LINC00305: variants seen among roughly 807,000 people sequenced by gnomAD.
LINC00305 encodes the protein long intergenic non-protein coding RNA 305.
chr18:64,113,146 A>G (rs567004889), intron 1 of LINC00305, among the ~76,000 whole-genome samples: 2 of 151,938 alleles, frequency 1.3e-5, no homozygotes, highest in African/African-American at 4.8e-5. Context: ...AGAATTAACT[A>G]CTCCCTACAC....
intron 1 of LINC00305, among the ~76,000 whole-genome samples, chr18:64,146,629 A>C (rs1377224745): frequency 1.3e-5 from 2 of 152,212 alleles, no homozygotes; most frequent in African/African-American, 4.8e-5. Flanking sequence ...GCAAAGAAAG[A>C]TTTAATTGAT....
intron 3 of LINC00305, among the ~76,000 whole-genome samples, chr18:64,092,760 G>A (rs1446604915): frequency 6.6e-6 from 1 of 152,106 alleles, no homozygotes; most frequent in African/African-American, 2.4e-5. Context: ...TGATTATGCC[G>A]AGAGCAAGAC....
chr18:64,142,778 C>T (rs1573492), intron 1 of LINC00305, among the ~76,000 whole-genome samples: 91,854 of 151,856 alleles, frequency 0.6, 28,478 homozygotes, highest in East Asian at 0.81. Context: ...GGAACCTTCT[C>T]CATGTAGTAG....
Position 64,086,631 on chromosome 18 carries a change from T to C in LINC00305, n.541-6229A>G, listed in dbSNP as rs1303082172. ...AGAGTGTGCATCTTTCTTTCAACTA[T>C]ACACTTTAGCAAGCTAAATATTATC... On this transcript the variant is annotated intron_variant and non_coding_transcript_variant, in intron 3 of 3. Transcript: ENST00000666468. Among the ~76,000 whole-genome samples, 3 of 152,226 alleles carry C rather than the reference T, an allele frequency of 2.0e-5. No individual in the cohort carries two copies. The East Asian group carries it at 5.8e-4, about 29-fold the overall frequency.
intron 1 of LINC00305, among the ~76,000 whole-genome samples, chr18:64,118,734 A>G (rs1331867628): frequency 6.6e-6 from 1 of 151,844 alleles, no homozygotes; most frequent in Non-Finnish European, 1.5e-5. Context: ...TTTTATACTT[A>G]TTATCTATGC....
At chr18:64,143,670 A>G (rs117448347) in intron 1 of LINC00305, among the ~76,000 whole-genome samples, 6,343 of 125,988 alleles carry the variant, frequency 0.05, 571 homozygotes, top group Non-Finnish European at 0.079. Flanking sequence ...CGTATTATGT[A>G]TACATATGTA....
chr18:64,081,935 G>T (rs1475422497), intron 3 of LINC00305, among the ~76,000 whole-genome samples: 1 of 152,176 alleles, frequency 6.6e-6, no homozygotes, highest in Non-Finnish European at 1.5e-5. Context: ...GCATGGCTGT[G>T]ATGAAGGTGG....
chr18:64,130,700 G>T (rs72949524), intron 1 of LINC00305, among the ~76,000 whole-genome samples: 10,297 of 152,206 alleles, frequency 0.068, 521 homozygotes, highest in Non-Finnish European at 0.11. Context: ...TCACAGAAGG[G>T]TTGATATTTG....
At chr18:64,092,412 A>T (rs2051228186) in intron 3 of LINC00305, among the ~76,000 whole-genome samples, 1 of 152,174 alleles carries the variant, frequency 6.6e-6, no homozygotes, top group African/African-American at 2.4e-5. Flanking sequence ...AATACAAAAA[A>T]TTAGCCTGGT....
chr18:64,132,461 C>T (rs1036377955), intron 1 of LINC00305, among the ~76,000 whole-genome samples: 15 of 152,216 alleles, frequency 9.9e-5, no homozygotes, highest in Non-Finnish European at 1.5e-4. Context: ...AGCGCTCTGC[C>T]GAATTCCGTA....
rs74834765 is a variant in LINC00305 at position 64,084,347 on chromosome 18, C to T, written n.541-3945G>A. On this transcript the variant is annotated intron_variant and non_coding_transcript_variant, in intron 3 of 3. Transcript: ENST00000666468. ...GAGTACATAAAATGTAGGCCTCATACGTGGGTGACAAAATAGTTTGTACAA... is the reference window on the plus strand; with the variant it reads ...GAGTACATAAAATGTAGGCCTCATATGTGGGTGACAAAATAGTTTGTACAA... 7.7e-3 allele frequency among the ~76,000 whole-genome samples: 1,176 copies of T among 152,130 alleles called. 16 individuals are homozygous for T. The highest frequency in any genetic ancestry group is 0.027 in the African/African-American group (1,103 of 41,486).
intron 1 of LINC00305, among the ~76,000 whole-genome samples, chr18:64,126,504 T>C (rs1345181291): frequency 6.6e-6 from 1 of 152,090 alleles, no homozygotes; most frequent in Non-Finnish European, 1.5e-5. Flanking sequence ...CTGACCAACA[T>C]AGGCTCTCGC....
At chr18:64,134,164 T>A (rs955707541) in intron 1 of LINC00305, among the ~76,000 whole-genome samples, 12 of 152,156 alleles carry the variant, frequency 7.9e-5, no homozygotes, top group African/African-American at 2.9e-4. Context: ...AAGAAAAATA[T>A]CACTCAAAAT....
chr18:64,143,834 TTATG>T (rs2051483689), intron 1 of LINC00305, among the ~76,000 whole-genome samples: 3 of 150,104 alleles, frequency 2.0e-5, no homozygotes, highest in African/African-American at 7.4e-5. Flanking sequence ...GAGATAATTC[TTATG>T]TATGTATACA....
At chr18:64,146,616 T>A (rs2051499541) in intron 1 of LINC00305, among the ~76,000 whole-genome samples, 1 of 152,176 alleles carries the variant, frequency 6.6e-6, no homozygotes, top group African/African-American at 2.4e-5. Context: ...GGGGCTTCTG[T>A]GGGCAAAGAA....
chr18:64,143,120 C>T (rs1304605089), intron 1 of LINC00305, among the ~76,000 whole-genome samples: 1 of 152,078 alleles, frequency 6.6e-6, no homozygotes, highest in Non-Finnish European at 1.5e-5. Context: ...CATTATGAAA[C>T]CAACCAGTAA....
In LINC00305 at chr18:64,133,092, C is replaced by T. The variant is rs564905493; in HGVS notation, n.314+15683G>A. ...TGCCAATTTTGGGTTGTTTACATCC[C>T]TTTGCTCATTACCTGAGAAGCCTCA... On this transcript the variant is annotated intron_variant and non_coding_transcript_variant, in intron 1 of 3. Transcript: ENST00000666468. Among the ~76,000 whole-genome samples, 4 of 152,236 alleles carry T rather than the reference C, an allele frequency of 2.6e-5. 1 individual carries two copies. The South Asian group carries it at 8.3e-4, about 32-fold the overall frequency.
chr18:64,099,893 C>T (rs2850688), intron 1 of LINC00305, among the ~76,000 whole-genome samples: 19,200 of 152,154 alleles, frequency 0.13, 1,339 homozygotes, highest in Non-Finnish European at 0.16. Flanking sequence ...TGTTAACATA[C>T]ATACAGCTTT....
intron 3 of LINC00305, among the ~76,000 whole-genome samples, chr18:64,085,395 C>A (rs1390787735): frequency 1.3e-5 from 2 of 152,104 alleles, no homozygotes; most frequent in Non-Finnish European, 2.9e-5. Flanking sequence ...TCCCACTTCC[C>A]TTTGGATCTC....
Sources: gnomAD v4.1 joint callset for allele counts (sites outside exome capture counted in the v4.1 genomes callset) on GRCh38, gnomAD v4.1.1 for gene constraint, MANE v1.5 for transcripts, NCBI Gene and HGNC (gene_info 2026-07-23, HGNC 2026-07-21) for gene names.